Variants in SLC25A26 observed in about 807,000 individuals in gnomAD.
SLC25A26 encodes the protein solute carrier family 25 member 26.
Under a neutral mutation model 37.8 loss-of-function variants are expected in SLC25A26, and 36 were observed. The ratio of observed to expected loss-of-function variants is 0.95; its 90% confidence interval spans 0.73 to 1.26. SLC25A26 has a LOEUF of 1.26. Ranked by LOEUF, SLC25A26 falls within the 50% of genes most tolerant of loss-of-function variation. The pLI is 0.00. For missense variants in SLC25A26, 390 were observed against 331.1 expected, an observed-to-expected ratio of 1.18 and a Z score of -1.38; for synonymous variants, 129 against 122.5, an observed-to-expected ratio of 1.05 and a Z score of -0.35.
chr3:66,281,227 T>C (rs2074325439), intron 5 of SLC25A26, among the ~76,000 whole-genome samples: 1 of 152,212 alleles, frequency 6.6e-6, no homozygotes, highest in Non-Finnish European at 1.5e-5. Flanking sequence ...CATTGAGTTA[T>C]ACCAGGAGGC....
At chr3:66,221,318 A>C in intron 1 of SLC25A26, 191 bp downstream of exon 1, 1 of 193,546 alleles carries the variant, frequency 5.2e-6, no homozygotes, top group Non-Finnish European at 9.4e-6. Flanking sequence ...CTATGTCTGT[A>C]CTGCCAGGTC....
intron 6 of SLC25A26, among the ~76,000 whole-genome samples, chr3:66,348,431 C>A (rs183858244): frequency 1.9e-4 from 29 of 152,160 alleles, no homozygotes; most frequent in Non-Finnish European, 3.7e-4. Flanking sequence ...GGATAATGGT[C>A]CAAAAACTTT....
chr3:66,307,506 AATTAG>A (rs1439643401), intron 5 of SLC25A26, among the ~76,000 whole-genome samples: 1 of 152,098 alleles, frequency 6.6e-6, no homozygotes, highest in Non-Finnish European at 1.5e-5. Flanking sequence ...TCTTTAGTTT[AATTAG>A]ATCCCATTTG....
At chr3:66,313,477 A>C (rs998717008) in intron 5 of SLC25A26, among the ~76,000 whole-genome samples, 1 of 151,972 alleles carries the variant, frequency 6.6e-6, no homozygotes, top group Non-Finnish European at 1.5e-5. Flanking sequence ...CCATTGGTCT[A>C]TGTGTCTGTT....
chr3:66,278,154 A>G (rs2074218857), intron 5 of SLC25A26, among the ~76,000 whole-genome samples: 2 of 152,184 alleles, frequency 1.3e-5, no homozygotes, highest in Admixed American at 6.5e-5. Flanking sequence ...AGAAGCCAGC[A>G]TATATGTGAA....
chr3:66,300,115 C>T (rs919401690), intron 5 of SLC25A26, among the ~76,000 whole-genome samples: 2 of 152,086 alleles, frequency 1.3e-5, no homozygotes, highest in Admixed American at 6.5e-5. Context: ...TCAAAATGCC[C>T]GTGTAAAAGG....
chr3:66,142,718 A>G (rs2070053936), intron 1 of SLC25A26, among the ~76,000 whole-genome samples: 1 of 152,200 alleles, frequency 6.6e-6, no homozygotes, highest in African/African-American at 2.4e-5. Context: ...TCATTTAAAA[A>G]GTCTCCCATA....
At chr3:66,369,425 A>C in intron 7 of SLC25A26, 53 bp from the exon 8 acceptor site, 1 of 1,505,636 alleles carries the variant, frequency 6.6e-7, no homozygotes, top group African/African-American at 1.4e-5. Flanking sequence ...TAAAAATTAC[A>C]AAATTATACA....
chr3:66,174,499 G>C (rs1156482882), intron 1 of SLC25A26, among the ~76,000 whole-genome samples: 2 of 152,118 alleles, frequency 1.3e-5, no homozygotes, highest in African/African-American at 2.4e-5. Context: ...TGCTCTATGA[G>C]GCTAGGCGTG....
chr3:66,357,355 A>C (rs2076599817), intron 6 of SLC25A26, among the ~76,000 whole-genome samples: 1 of 152,248 alleles, frequency 6.6e-6, no homozygotes, highest in African/African-American at 2.4e-5. Flanking sequence ...TGGAGGCTGC[A>C]GTGGGCTGTG....
intron 5 of SLC25A26, among the ~76,000 whole-genome samples, chr3:66,340,398 A>C (rs1178595768): frequency 6.6e-6 from 1 of 152,090 alleles, no homozygotes; most frequent in Non-Finnish European, 1.5e-5. Context: ...TTCGATGAGC[A>C]GAAGTTTTAA....
chr3:66,368,642 A>C (rs1700166728), intron 7 of SLC25A26, among the ~76,000 whole-genome samples: 1 of 152,168 alleles, frequency 6.6e-6, no homozygotes, highest in Admixed American at 6.5e-5. Context: ...CAAAATCCCC[A>C]CAATGTCACA....
chr3:66,174,507 G>T (rs36158181), intron 1 of SLC25A26, among the ~76,000 whole-genome samples: 4 of 152,198 alleles, frequency 2.6e-5, no homozygotes, highest in Admixed American at 2.0e-4. Flanking sequence ...GAGGCTAGGC[G>T]TGGTGGCTCA....
intron 1 of SLC25A26, among the ~76,000 whole-genome samples, chr3:66,230,104 CAA>C (rs548461005): frequency 4.5e-4 from 68 of 152,316 alleles, no homozygotes; most frequent in African/African-American, 1.6e-3. Context: ...CCTCTTTTTA[CAA>C]AGTGTTATCT....
chr3:66,336,707 G>T (rs935817589), intron 5 of SLC25A26, among the ~76,000 whole-genome samples: 6 of 152,156 alleles, frequency 3.9e-5, no homozygotes, highest in African/African-American at 1.4e-4. Flanking sequence ...CATACAAGAA[G>T]TTTTCAGGTT....
Position 66,377,886 on chromosome 3 carries a change from G to C in SLC25A26, c.*79G>C. The C allele has an allele frequency of 9.1e-7, 1 of 1,095,052 alleles. No individual in the cohort carries two copies. Among genetic ancestry groups the C allele is most frequent in the East Asian group, 2.4e-5 (1 of 42,370 alleles). 67.8% of individuals were successfully genotyped at this position (1,095,052 alleles called of 1,614,324 possible). ...ACCCTCTTCCGCTGAGCAGCTGTCT[G>C]AACTATAGGCCCCAGTGCTGAAGAC... On this transcript the variant is annotated 3_prime_UTR_variant, in exon 10 of 10. Transcript: ENST00000354883.
chr3:66,340,494 G>A (rs2076185287), intron 5 of SLC25A26, among the ~76,000 whole-genome samples: 1 of 151,826 alleles, frequency 6.6e-6, no homozygotes, highest in Non-Finnish European at 1.5e-5. Context: ...TCCTATCCAC[G>A]GACCACCCGT....
chr3:66,275,490 C>T (rs529285010), intron 5 of SLC25A26, among the ~76,000 whole-genome samples: 2 of 152,136 alleles, frequency 1.3e-5, no homozygotes, highest in Admixed American at 1.3e-4. Context: ...TTGTTCCCTA[C>T]TATTAATCTA....
chr3:66,230,498 G>A (rs1481809429), intron 1 of SLC25A26, among the ~76,000 whole-genome samples: 1 of 152,024 alleles, frequency 6.6e-6, no homozygotes, highest in Non-Finnish European at 1.5e-5. Context: ...ATAGGCAGGA[G>A]ACAAGGATAA....
Sources: gnomAD v4.1 joint callset for allele counts (sites outside exome capture counted in the v4.1 genomes callset) on GRCh38, gnomAD v4.1.1 for gene constraint, MANE v1.5 for transcripts, NCBI Gene and HGNC (gene_info 2026-07-23, HGNC 2026-07-21) for gene names.